The following TSHZ1 variants were observed in gnomAD, a reference collection of about 807,000 sequenced individuals.
The protein encoded by TSHZ1 is teashirt homolog 1.
In TSHZ1, 12 loss-of-function variants were observed where a neutral mutation model predicts 67.1. That is an observed-to-expected ratio of 0.18 (90% CI 0.11 to 0.29). The LOEUF is 0.29. TSHZ1 is among the 10% of genes least tolerant of loss of function. The pLI is 1.00. For missense variants in TSHZ1, 1,305 were observed against 1,413.9 expected (o/e 0.92, Z 1.23); for synonymous variants, 632 against 622.4 (o/e 1.02, Z -0.23).
At chr18:75,277,253 G>A (rs1026462547) in intron 1 of TSHZ1, among the ~76,000 whole-genome samples, 11 of 152,190 alleles carry the variant, frequency 7.2e-5, no homozygotes, top group African/African-American at 2.7e-4. Flanking sequence ...GGCTGGGATG[G>A]GCATATCATC....
At chr18:75,263,583 C>T (rs183452192) in intron 1 of TSHZ1, among the ~76,000 whole-genome samples, 111 of 152,194 alleles carry the variant, frequency 7.3e-4, no homozygotes, top group South Asian at 2.1e-4. Context: ...AGACAGTAAC[C>T]ATGTTCAATA....
At position 75,288,420 on chromosome 18, in the gene TSHZ1, CTCAA is replaced by C; in HGVS notation, c.3017_3020del (p.Asn1006ArgfsTer62). 1 of 1,614,230 alleles carries C rather than the reference CTCAA, an allele frequency of 6.2e-7. No individual in the cohort carries two copies. Among genetic ancestry groups the C allele is most frequent in the Non-Finnish European group, 8.5e-7 (1 of 1,180,036 alleles). ...CCTGAAGGATCTCTCCAAGCTGCCA[CTCAA>C]TCAGATTCAAGAACAGCAGAATGTT... On this transcript the variant is annotated frameshift_variant, in exon 2 of 2. Transcript: ENST00000580243. LOFTEE classifies it high-confidence loss of function. This position sits in a 1 kb window ranked among gnomAD's most constrained non-coding sequence, Gnocchi z 4.9.
At position 75,287,589 on chromosome 18, in the gene TSHZ1, A is replaced by G; in HGVS notation, c.2182A>G (p.Asn728Asp). ...PLKAKVTNGC[N>D]NLGIIMDHSP... The stretch of plus-strand genomic sequence containing the variant: ...CAAAGCAAAGGTCACCAACGGCTGT[A>G]ACAACCTGGGGATCATCATGGACCA... The change falls in exon 2 of 2, where the codon AAC becomes GAC. Residue 728 changes from asparagine to aspartate, a missense_variant. Coordinates refer to ENST00000580243, the MANE Select transcript of TSHZ1 (RefSeq NM_001308210.2). The surrounding 1 kb of genome is among the most constrained non-coding windows in gnomAD (Gnocchi z 5.0). 6.2e-7 allele frequency: 1 copy of G among 1,614,218 alleles called. No individual in the cohort carries two copies.
intron 1 of TSHZ1, among the ~76,000 whole-genome samples, chr18:75,225,661 G>A (rs770511072): frequency 5.3e-5 from 8 of 151,978 alleles, no homozygotes; most frequent in Non-Finnish European, 1.0e-4. Flanking sequence ...GAAGGGGAAA[G>A]GTTTTCCCAA....
chr18:75,241,847 C>G (rs1262784074), intron 1 of TSHZ1, among the ~76,000 whole-genome samples: 1 of 150,894 alleles, frequency 6.6e-6, no homozygotes, highest in Non-Finnish European at 1.5e-5. Flanking sequence ...CCTGGGTGTC[C>G]TTGGCTTGTG....
chr18:75,274,024 C>T (rs149589785), intron 1 of TSHZ1, among the ~76,000 whole-genome samples: 201 of 152,310 alleles, frequency 1.3e-3, no homozygotes, highest in Admixed American at 4.0e-3. Flanking sequence ...GCGCCTCCTC[C>T]TGGGCTGCTG....
At chr18:75,267,236 C>T (rs1215590440) in intron 1 of TSHZ1, among the ~76,000 whole-genome samples, 2 of 152,156 alleles carry the variant, frequency 1.3e-5, no homozygotes, top group African/African-American at 4.8e-5. Context: ...GGTGTGAAGC[C>T]GTCTTTTTCC....
At chr18:75,246,870 A>C (rs930398289) in intron 1 of TSHZ1, among the ~76,000 whole-genome samples, 2 of 152,166 alleles carry the variant, frequency 1.3e-5, no homozygotes, top group East Asian at 3.8e-4. Flanking sequence ...AGAGACAATA[A>C]CTGTCTTAAA....
chr18:75,243,212 A>G lies in TSHZ1; in HGVS notation c.40+31296A>G, dbSNP rs140163479. 1.1e-3 allele frequency among the ~76,000 whole-genome samples: 163 copies of G among 152,308 alleles called. 1 individual carries two copies. Among genetic ancestry groups the G allele is most frequent in the African/African-American group, 3.8e-3 (158 of 41,558 alleles). ...ATTTTAACTCTTCGTGGACTTTTGTATCACCCCTGGGTAAGGTTGTCATTC... is the reference window on the plus strand; with the variant it reads ...ATTTTAACTCTTCGTGGACTTTTGTGTCACCCCTGGGTAAGGTTGTCATTC... On this transcript the variant is annotated intron_variant, in intron 1 of 1. Coordinates refer to ENST00000580243, the MANE Select transcript of TSHZ1 (RefSeq NM_001308210.2).
At chr18:75,248,623 A>G (rs957155845) in intron 1 of TSHZ1, among the ~76,000 whole-genome samples, 2 of 152,252 alleles carry the variant, frequency 1.3e-5, no homozygotes, top group African/African-American at 4.8e-5. Context: ...GTGAAAGAAA[A>G]TAGAAAACCA....
chr18:75,288,738 G>T lies in TSHZ1; in HGVS notation c.*97G>T. ...CTCTGAAATCAGTCTTTCCTTTGTT[G>T]CTGGCCCGCCTCTCTGGACCTTGGT... On this transcript the variant is annotated 3_prime_UTR_variant, in exon 2 of 2. Transcript: ENST00000580243. The surrounding 1 kb of genome is among the most constrained non-coding windows in gnomAD (Gnocchi z 4.9). 6.7e-7 allele frequency: 1 copy of T among 1,496,506 alleles called. No homozygotes were observed. Among genetic ancestry groups the T allele is most frequent in the Non-Finnish European group, 8.9e-7 (1 of 1,125,862 alleles). The allele number at this position is 1,496,506 out of a possible 1,614,324, so 92.7% of individuals were successfully genotyped here.
At chr18:75,247,316 C>G (rs940181394) in intron 1 of TSHZ1, among the ~76,000 whole-genome samples, 3 of 152,224 alleles carry the variant, frequency 2.0e-5, no homozygotes, top group African/African-American at 7.2e-5. Flanking sequence ...GAGGGCCACA[C>G]TGCTCCTGCC....
chr18:75,228,870 G>A (rs1026749795), intron 1 of TSHZ1, among the ~76,000 whole-genome samples: 1 of 152,218 alleles, frequency 6.6e-6, no homozygotes, highest in Non-Finnish European at 1.5e-5. Context: ...CAGACACCAG[G>A]GAACAAGGGG....
chr18:75,241,889 T>C (rs2023161338), intron 1 of TSHZ1, among the ~76,000 whole-genome samples: 1 of 148,912 alleles, frequency 6.7e-6, no homozygotes, highest in African/African-American at 2.5e-5. Flanking sequence ...CTTCTCCGTG[T>C]GTCCTCTCCT....
intron 1 of TSHZ1, among the ~76,000 whole-genome samples, chr18:75,256,750 T>C (rs1279011681): frequency 2.6e-5 from 4 of 152,352 alleles, no homozygotes; most frequent in East Asian, 1.9e-4. Context: ...CATGAGTATA[T>C]GCAATATGAA....
intron 1 of TSHZ1, among the ~76,000 whole-genome samples, chr18:75,274,283 A>C (rs2023590349): frequency 6.6e-6 from 1 of 152,090 alleles, no homozygotes; most frequent in South Asian, 2.1e-4. Context: ...TAAAAGAAGA[A>C]TTTCATACTG....
chr18:75,281,962 CAT>C lies in TSHZ1; in HGVS notation c.41-3485_41-3484del, dbSNP rs918228692. Reference sequence around the variant, plus strand: ...ACCCTGCTTTGCTTCTTCCCTGGGACATGAGTCCCCGTCCCTAGGGCAGGGAC... The same window carrying C: ...ACCCTGCTTTGCTTCTTCCCTGGGACGAGTCCCCGTCCCTAGGGCAGGGAC... On this transcript the variant is annotated intron_variant, in intron 1 of 1. Transcript: ENST00000580243. The surrounding 1 kb of genome is among the most constrained non-coding windows in gnomAD (Gnocchi z 5.3). Among the ~76,000 whole-genome samples the C allele has an allele frequency of 3.3e-5, 5 of 152,184 alleles. No homozygotes were observed. The highest frequency in any genetic ancestry group is 5.9e-5 in the Non-Finnish European group (4 of 68,028).
chr18:75,275,397 G>A (rs1568366287), intron 1 of TSHZ1, among the ~76,000 whole-genome samples: 1 of 152,166 alleles, frequency 6.6e-6, no homozygotes, highest in Non-Finnish European at 1.5e-5. Flanking sequence ...GGGTTATCAG[G>A]CAGCAGTAGA....
At chr18:75,224,994 T>C (rs995539334) in intron 1 of TSHZ1, among the ~76,000 whole-genome samples, 4 of 152,200 alleles carry the variant, frequency 2.6e-5, no homozygotes, top group African/African-American at 9.6e-5. Context: ...CCTTTTTTTT[T>C]TTCTTTCTTA....
Sources: gnomAD v4.1 joint callset for allele counts (sites outside exome capture counted in the v4.1 genomes callset) on GRCh38, gnomAD v4.1.1 for gene constraint, Gnocchi (gnomAD v3.1) non-coding constraint, MANE v1.5 for transcripts, NCBI Gene and HGNC (gene_info 2026-07-23, HGNC 2026-07-21) for gene names.